Variants in RIPOR2 observed in about 807,000 individuals in gnomAD.
RIPOR2 encodes the protein rho family-interacting cell polarization regulator 2.
In RIPOR2, 39 loss-of-function variants were observed where a neutral mutation model predicts 114.5. The observed-to-expected ratio is 0.34, with a 90% CI of 0.26 to 0.44. The LOEUF (loss-of-function observed/expected upper bound fraction) is 0.44. Ranked by LOEUF, RIPOR2 falls within the 20% of genes least tolerant of loss-of-function variation. RIPOR2 has a pLI of 1.00. For missense variants in RIPOR2, 1,007 were observed against 1,255.1 expected, an observed-to-expected ratio of 0.80 and a Z score of 2.99; for synonymous variants, 445 against 484.4, an observed-to-expected ratio of 0.92 and a Z score of 1.07.
chr6:24,881,086 C>CA (rs536230954), intron 1 of RIPOR2, among the ~76,000 whole-genome samples: 159 of 151,840 alleles, frequency 1.0e-3, no homozygotes, highest in African/African-American at 3.6e-3. Flanking sequence ...ACTAAAAATA[C>CA]AAAAAAAATT....
At chr6:25,034,455 A>G (rs78935834) in intron 1 of RIPOR2, among the ~76,000 whole-genome samples, 4,447 of 152,264 alleles carry the variant, frequency 0.029, 91 homozygotes, top group Middle Eastern at 0.058. Flanking sequence ...AACATATTTC[A>G]AGATGCTTTG....
intron 1 of RIPOR2, chr6:24,929,589 G>A (rs1297656998): frequency 1.3e-5 from 2 of 151,872 alleles, no homozygotes; most frequent in African/African-American, 4.8e-5. Context: ...TGTCCTTCTG[G>A]TACTTGAAAG....
At chr6:25,036,238 C>G (rs1007584878) in intron 1 of RIPOR2, among the ~76,000 whole-genome samples, 1 of 152,198 alleles carries the variant, frequency 6.6e-6, no homozygotes, top group Non-Finnish European at 1.5e-5. Flanking sequence ...AGCAGATTCC[C>G]TAATCTCAAG....
In RIPOR2 at chr6:24,887,294, CGGT is replaced by C. The variant is rs527413674; in HGVS notation, c.62-11480_62-11478del. 2.8e-3 allele frequency among the ~76,000 whole-genome samples: 433 copies of C among 152,254 alleles called. 1 individual carries two copies. The highest frequency in any genetic ancestry group is 9.5e-3 in the African/African-American group (396 of 41,534). ...TGTCTTTTGAAACTTCTCTGATGCT[CGGT>C]ACAGGGTAAGATACCAAAATCATTG... On this transcript the variant is annotated intron_variant, in intron 1 of 21. Transcript: ENST00000643898.
Position 24,935,958 on chromosome 6 carries a change from A to T in RIPOR2, c.-60T>A. The T allele has an allele frequency of 1.6e-6, 2 of 1,274,174 alleles. No individual in the cohort carries two copies. Among genetic ancestry groups the T allele is most frequent in the Non-Finnish European group, 2.2e-6 (2 of 910,256 alleles). The allele number at this position is 1,274,174 out of a possible 1,614,324, so 78.9% of individuals were successfully genotyped here. Reference sequence around the variant, plus strand: ...CAGCCCCGGCAGTCTCAGCAGTCACACTGCCGACCGAGGTGATTTCCTTTC... The same window carrying T: ...CAGCCCCGGCAGTCTCAGCAGTCACTCTGCCGACCGAGGTGATTTCCTTTC... On this transcript the variant is annotated 5_prime_UTR_variant, in exon 1 of 22. Transcript: ENST00000643898.
chr6:24,903,055 C>T (rs1158275707), intron 1 of RIPOR2, among the ~76,000 whole-genome samples: 1 of 152,208 alleles, frequency 6.6e-6, no homozygotes, highest in African/African-American at 2.4e-5. Context: ...AGTTCTGGCT[C>T]AGGGTCTCTC....
chr6:24,830,667 A>T lies in RIPOR2; in HGVS notation c.2348T>A (p.Ile783Lys). The change falls in exon 17 of 22, where the codon ATA (isoleucine) becomes AAA (lysine). Residue 783 changes from isoleucine (I) to lysine (K), a missense_variant. By Grantham distance (102) the Ile-to-Lys change is moderately radical (BLOSUM62 -3). Transcript: ENST00000643898. Reference sequence around the variant, plus strand: ...AGACAGCTTTTTGTGAAATTCTGGTATGGCTGGAAAAGAAGAGCAACCCCC... The same window carrying T: ...AGACAGCTTTTTGTGAAATTCTGGTTTGGCTGGAAAAGAAGAGCAACCCCC... ...IGNISSVVEAIPEFHKKLSLL... is the reference protein window; with the variant it reads ...IGNISSVVEAKPEFHKKLSLL... The T allele has an allele frequency of 6.5e-7, 1 of 1,549,188 alleles. No individual in the cohort carries two copies. Among genetic ancestry groups the T allele is most frequent in the Non-Finnish European group, 8.7e-7 (1 of 1,146,352 alleles).
In RIPOR2 at chr6:24,997,191, G is replaced by A. The variant is rs142188343; in HGVS notation, c.76+44660C>T. ...CAGAATCTCTGTTGGTGGGATGCAG[G>A]CATTTGTGTTTTAAAAAACTCCCCA... On this transcript the variant is annotated intron_variant, in intron 1 of 13. Transcript: ENST00000510784. Among the ~76,000 whole-genome samples the A allele has an allele frequency of 2.8e-3, 420 of 152,266 alleles. 1 individual carries two copies. Among genetic ancestry groups the A allele is most frequent in the African/African-American group, 9.1e-3 (379 of 41,556 alleles).
intron 1 of RIPOR2, among the ~76,000 whole-genome samples, chr6:24,921,974 T>C (rs757275834): frequency 1.4e-4 from 22 of 151,826 alleles, no homozygotes; most frequent in Admixed American, 1.1e-3. Flanking sequence ...GGATTACAGA[T>C]GTGTGCCACC....
At chr6:24,859,773 A>C (rs1763868871) in intron 8 of RIPOR2, among the ~76,000 whole-genome samples, 1 of 152,196 alleles carries the variant, frequency 6.6e-6, no homozygotes, top group African/African-American at 2.4e-5. Context: ...GATTCATTGG[A>C]AAATGAAGCC....
At chr6:24,838,383 C>T (rs1264718785) in intron 14 of RIPOR2, among the ~76,000 whole-genome samples, 1 of 152,122 alleles carries the variant, frequency 6.6e-6, no homozygotes, top group Non-Finnish European at 1.5e-5. Context: ...AAAGTGCAAG[C>T]CAGGGAGAAC....
chr6:24,819,355 A>G (rs12524169), intron 19 of RIPOR2, among the ~76,000 whole-genome samples: 46,675 of 151,872 alleles, frequency 0.31, 8,086 homozygotes, highest in East Asian at 0.68. Flanking sequence ...AGATTTCAGT[A>G]GGGAAGTTGA....
intron 1 of RIPOR2, among the ~76,000 whole-genome samples, chr6:24,932,867 A>C (rs536891063): frequency 1.6e-4 from 24 of 152,358 alleles, no homozygotes; most frequent in African/African-American, 4.8e-4. Context: ...AAGTGAGCTG[A>C]AAGTATGCGT....
At chr6:24,847,658 G>T in intron 12 of RIPOR2, 1 of 1,551,636 alleles carries the variant, frequency 6.4e-7, no homozygotes, top group African/African-American at 1.4e-5. Flanking sequence ...ACAGACAGCC[G>T]CCTGGGCTTG....
At chr6:25,036,658 A>T (rs1777268431) in intron 1 of RIPOR2, among the ~76,000 whole-genome samples, 1 of 152,120 alleles carries the variant, frequency 6.6e-6, no homozygotes, top group African/African-American at 2.4e-5. Context: ...CTCCCAAAGC[A>T]TTGGAATTAC....
intron 2 of RIPOR2, among the ~76,000 whole-genome samples, chr6:24,874,238 A>T (rs1024511209): frequency 1.3e-5 from 2 of 152,038 alleles, no homozygotes; most frequent in African/African-American, 4.8e-5. Flanking sequence ...GCTTCAGGCA[A>T]TCCTCCTGCT....
chr6:24,850,556 C>A (rs200114300), intron 10 of RIPOR2, 41 bp downstream of exon 10: 1 of 1,611,732 alleles, frequency 6.2e-7, no homozygotes. Context: ...ATCATCCAGC[C>A]GTGGCACCAG....
At chr6:24,928,536 C>T (rs1771137548) in intron 1 of RIPOR2, among the ~76,000 whole-genome samples, 1 of 152,192 alleles carries the variant, frequency 6.6e-6, no homozygotes, top group South Asian at 2.1e-4. Context: ...ACTTCTTACA[C>T]TGAATGAACA....
intron 8 of RIPOR2, among the ~76,000 whole-genome samples, chr6:24,855,280 G>A (rs1188705394): frequency 6.6e-6 from 1 of 151,968 alleles, no homozygotes. Context: ...CACATACCTT[G>A]GCAGGGAGTG....
Sources: gnomAD v4.1 joint callset for allele counts (sites outside exome capture counted in the v4.1 genomes callset) on GRCh38, gnomAD v4.1.1 for gene constraint, MANE v1.5 for transcripts, NCBI Gene and HGNC (gene_info 2026-07-23, HGNC 2026-07-21) for gene names.